RTL5: variants seen among roughly 807,000 people sequenced by gnomAD.
RTL5 encodes retrotransposon Gag like 5.
Under a neutral mutation model 7.7 loss-of-function variants are expected in RTL5, and 8 were observed. The observed-to-expected ratio is 1.04, with a 90% CI of 0.61 to 1.88. The LOEUF (loss-of-function observed/expected upper bound fraction) is 1.88, where lower values mean the gene tolerates loss of function less well. Among genes scored for constraint, RTL5 ranks in the 40% most tolerant of loss-of-function variants. The probability of loss-of-function intolerance (pLI) is 0.00; values close to 1 mark genes in which losing one functional copy is unlikely to be tolerated. For synonymous variants in RTL5, 188 were observed against 191.8 expected (o/e 0.98, Z 0.16); for missense variants, 457 against 472.7 (o/e 0.97, Z 0.31).
chrX:72,131,370 T>C (rs1458163153), exon 1 of RTL5: 1 of 1,210,401 alleles, frequency 8.3e-7, no homozygotes. Flanking sequence ...CTATGGGTAC[T>C]GGCCAGCGGA....
At chrX:72,130,722 T>G in exon 1 of RTL5, 1 of 1,211,821 alleles carries the variant, frequency 8.3e-7, no homozygotes, top group Non-Finnish European at 1.1e-6. Flanking sequence ...GGAATTGGTT[T>G]TGGAGGCGGC....
chrX:72,130,916 C>T, exon 1 of RTL5: 2 of 1,211,916 alleles, frequency 1.7e-6, no homozygotes, highest in Admixed American at 2.2e-5. Context: ...GGGCTTCCTT[C>T]CTGGGTGACC....
exon 1 of RTL5, chrX:72,131,561 T>G (rs754503124): frequency 1.7e-6 from 2 of 1,143,233 alleles, no homozygotes; most frequent in South Asian, 4.2e-5. Context: ...CCAGGGGCCC[T>G]GGGGCTCCGT....
chrX:72,131,051 C>T lies in RTL5; in HGVS notation c.490G>A (p.Ala164Thr), dbSNP rs761595495. 5.8e-6 allele frequency: 7 copies of T among 1,210,727 alleles called. No individual in the cohort carries two copies. The Admixed American group carries it at 6.5e-5, about 11-fold the overall frequency. Reference sequence around the variant, plus strand: ...GTCTCTAGCTGCATCAGGAATTCAGCCAGGTAGACTGGGTCTCCTGAAAAG... The same window carrying T: ...GTCTCTAGCTGCATCAGGAATTCAGTCAGGTAGACTGGGTCTCCTGAAAAG... The change falls in exon 1 of 1, where the codon GCT becomes ACT. Residue 164 changes from alanine (A) to threonine (T), a missense_variant. By Grantham distance (58) the Ala-to-Thr change is moderately conservative (BLOSUM62 0). Coordinates refer to ENST00000609883, the Ensembl canonical transcript of RTL5.
exon 1 of RTL5, chrX:72,128,032 T>C (rs1341758924): frequency 1.8e-5 from 2 of 112,652 alleles, no homozygotes. Context: ...CCAAACTTTC[T>C]TTAATGATTA....
At chrX:72,131,119 G>A in exon 1 of RTL5, 1 of 1,203,620 alleles carries the variant, frequency 8.3e-7, no homozygotes, top group Non-Finnish European at 1.1e-6. Flanking sequence ...AGGGGGTTGC[G>A]GGGGCGGTTC....
chrX:72,128,854 G>C (rs1306595528), exon 1 of RTL5: 1 of 113,239 alleles, frequency 8.8e-6, no homozygotes, highest in African/African-American at 3.2e-5. Flanking sequence ...TCCAAGGCCT[G>C]GCAAGGGGAG....
At chrX:72,127,804 G>A (rs977643015) in exon 1 of RTL5, 6 of 113,128 alleles carry the variant, frequency 5.3e-5, no homozygotes, top group Non-Finnish European at 1.1e-4. Flanking sequence ...CAACAAATTA[G>A]GAGAATGCTT....
exon 1 of RTL5, chrX:72,130,990 C>T (rs1381082214): frequency 1.7e-6 from 2 of 1,210,925 alleles, no homozygotes; most frequent in Non-Finnish European, 2.2e-6. Context: ...CCGCTCGGCG[C>T]CCCCGGGGAA....
chrX:72,130,256 C>T, exon 1 of RTL5: 1 of 1,206,485 alleles, frequency 8.3e-7, no homozygotes. Flanking sequence ...TGGCCCCCAT[C>T]CTCATCTTCA....
exon 1 of RTL5, chrX:72,130,880 G>A (rs374080330): frequency 8.3e-7 from 1 of 1,210,282 alleles, no homozygotes; most frequent in Non-Finnish European, 1.1e-6. Flanking sequence ...ATTTCATCCA[G>A]GAAGCGCGGG....
exon 1 of RTL5, chrX:72,131,435 G>A (rs1348346297): frequency 5.8e-6 from 7 of 1,209,158 alleles, no homozygotes; most frequent in Admixed American, 2.2e-5. Flanking sequence ...GCTCTCCCGA[G>A]CTGGAGGCCC....
exon 1 of RTL5, chrX:72,130,278 C>T: frequency 8.3e-7 from 1 of 1,203,045 alleles, no homozygotes; most frequent in Non-Finnish European, 1.1e-6. Context: ...CTTCTTCATC[C>T]TTACTCTCTC....
exon 1 of RTL5, chrX:72,128,757 T>C (rs1334180832): frequency 3.5e-5 from 4 of 113,006 alleles, no homozygotes; most frequent in Non-Finnish European, 7.5e-5. Context: ...TCTCTCTGTC[T>C]GTCCCAGAAG....
chrX:72,130,294 T>C (rs2042275204), exon 1 of RTL5: 2 of 1,194,350 alleles, frequency 1.7e-6, no homozygotes, highest in Non-Finnish European at 2.3e-6. Context: ...CTCTCCTTCC[T>C]CCTCATTCTT....
chrX:72,130,347 T>C, exon 1 of RTL5: 2 of 1,160,405 alleles, frequency 1.7e-6, no homozygotes, highest in Non-Finnish European at 2.3e-6. Flanking sequence ...TCATTTCCTC[T>C]TCCTCCTCCT....
chrX:72,131,026 G>A lies in RTL5; in HGVS notation c.515C>T (p.Thr172Ile), dbSNP rs1211871063. 3.3e-6 allele frequency: 4 copies of A among 1,208,670 alleles called. No homozygotes were observed. In the East Asian group the frequency reaches 8.9e-5, roughly 27 times the overall value. Reference sequence around the variant, plus strand: ...ATGAACCTCATGGTCGGCTATGAAGGTCTCTAGCTGCATCAGGAATTCAGC... The same window carrying A: ...ATGAACCTCATGGTCGGCTATGAAGATCTCTAGCTGCATCAGGAATTCAGC... The change falls in exon 1 of 1, where the codon ACC (threonine) becomes ATC (isoleucine). Residue 172 changes from threonine to isoleucine, a missense_variant. Coordinates refer to ENST00000609883, the Ensembl canonical transcript of RTL5.
At chrX:72,131,001 A>G (rs1378623101) in exon 1 of RTL5, 3 of 1,209,301 alleles carry the variant, frequency 2.5e-6, no homozygotes, top group Non-Finnish European at 3.4e-6. Context: ...CCCCGGGGAA[A>G]TGAACCTCAT....
At chrX:72,130,022 T>C (rs1429186512) in exon 1 of RTL5, 1 of 1,209,378 alleles carries the variant, frequency 8.3e-7, no homozygotes, top group African/African-American at 1.8e-5. Context: ...TTCTGGTTCC[T>C]CCGTCTGCTA....
Sources: allele counts gnomAD v4.1 joint callset, GRCh38; gene constraint gnomAD v4.1.1; transcripts MANE v1.5; gene names NCBI Gene and HGNC (gene_info 2026-07-23, HGNC 2026-07-21).